The following ANO1 variants were observed in gnomAD, a reference collection of about 807,000 sequenced individuals.
ANO1 encodes anoctamin-1.
Under a neutral mutation model 124.0 loss-of-function variants are expected in ANO1, and 59 were observed. The ratio of observed to expected loss-of-function variants is 0.48; its 90% CI spans 0.39 to 0.59. The LOEUF (loss-of-function observed/expected upper bound fraction) is 0.59. ANO1 is among the 20% of genes least tolerant of loss of function. The probability of loss-of-function intolerance (pLI) is 0.00; values close to 1 mark genes in which losing one functional copy is unlikely to be tolerated. For missense variants in ANO1, 1,059 were observed against 1,328.0 expected, an observed-to-expected ratio of 0.80 and a Z score of 3.15; for synonymous variants, 529 against 532.0, an observed-to-expected ratio of 0.99 and a Z score of 0.08.
chr11:70,145,227 G>A (rs544931074), intron 11 of ANO1, among the ~76,000 whole-genome samples: 51 of 152,254 alleles, frequency 3.3e-4, no homozygotes, highest in African/African-American at 1.2e-3. Context: ...GGCGCAGCAC[G>A]AGCCTTCACA....
chr11:70,118,708 G>A lies in ANO1; in HGVS notation c.897+2209G>A, dbSNP rs1192818003. Reference sequence around the variant, plus strand: ...GATGGTGGAGAGATGAATGATGGTTGATGGATGAGTGGGTGGATGGATGGG... The same window carrying A: ...GATGGTGGAGAGATGAATGATGGTTAATGGATGAGTGGGTGGATGGATGGG... On this transcript the variant is annotated intron_variant, in intron 8 of 25. Transcript: ENST00000355303. Among the ~76,000 whole-genome samples, 4 of 151,546 alleles carry A rather than the reference G, an allele frequency of 2.6e-5. No homozygotes were observed. In the East Asian group the frequency reaches 7.9e-4, roughly 30 times the overall value.
chr11:70,111,856 G>A (rs2045795464), intron 7 of ANO1, 94 bp downstream of exon 7: 5 of 1,284,668 alleles, frequency 3.9e-6, no homozygotes, highest in African/African-American at 1.5e-5. Flanking sequence ...TTATCCTGTG[G>A]TCACAGCTTC....
intron 1 of ANO1, among the ~76,000 whole-genome samples, chr11:70,069,464 T>C (rs782016791): frequency 3.9e-5 from 6 of 152,162 alleles, no homozygotes; most frequent in Non-Finnish European, 5.9e-5. Context: ...CCCCACTCTG[T>C]TTGGTCCCCA....
intron 1 of ANO1, among the ~76,000 whole-genome samples, chr11:70,070,860 A>G (rs929167063): frequency 1.3e-5 from 2 of 152,188 alleles, no homozygotes; most frequent in Non-Finnish European, 2.9e-5. Context: ...CTTCAGGGGT[A>G]CCTGCCAAGG....
chr11:70,135,027 T>C (rs1200482193), intron 11 of ANO1, among the ~76,000 whole-genome samples: 1 of 151,898 alleles, frequency 6.6e-6, no homozygotes, highest in African/African-American at 2.4e-5. Context: ...TATGCTCGAG[T>C]CGGAGACCGC....
At chr11:70,036,558 A>G (rs868913632) in intron 1 of ANO1, among the ~76,000 whole-genome samples, 3 of 152,000 alleles carry the variant, frequency 2.0e-5, no homozygotes, top group Admixed American at 6.6e-5. Flanking sequence ...TCTCTCTTCT[A>G]TGCTGGCCCT....
chr11:70,131,705 A>G (rs1052627463), intron 10 of ANO1, among the ~76,000 whole-genome samples: 38 of 152,228 alleles, frequency 2.5e-4, no homozygotes, highest in African/African-American at 8.4e-4. Context: ...CTGGTGCAAC[A>G]GCATGGGTCA....
Position 70,010,179 on chromosome 11 carries a change from G to GTATA in ANO1, c.58+24029_58+24032dup, listed in dbSNP as rs71926266. On this transcript the variant is annotated intron_variant, in intron 1 of 27. Coordinates refer to the ANO1 transcript ENST00000531349. ...TGTGTGTGTGTGCGCGTGTGTGTGT[G>GTATA]TATATATATATATATATATCACATT... Among the ~76,000 whole-genome samples the GTATA allele has an allele frequency of 7.2e-5, 6 of 83,774 alleles. 1 individual carries two copies. In the South Asian group the frequency reaches 1.4e-3, roughly 20 times the overall value. The allele number at this position is 83,774 out of a possible 152,430, so 55.0% of individuals were successfully genotyped here.
intron 8 of ANO1, among the ~76,000 whole-genome samples, chr11:70,123,334 C>A (rs555644146): frequency 1.3e-5 from 2 of 152,210 alleles, no homozygotes; most frequent in African/African-American, 2.4e-5. Flanking sequence ...CGTGGGTACA[C>A]CTGCACTGTT....
chr11:70,001,552 C>T (rs914660856), intron 1 of ANO1, among the ~76,000 whole-genome samples: 19 of 152,110 alleles, frequency 1.2e-4, no homozygotes, highest in African/African-American at 4.6e-4. Context: ...ACAAATCTGA[C>T]GTTGAACAAA....
At chr11:70,085,328 C>T in intron 1 of ANO1, 3 of 1,392,330 alleles carry the variant, frequency 2.2e-6, no homozygotes, top group Non-Finnish European at 1.9e-6. Flanking sequence ...TCCCCCTGAG[C>T]CCTCCCAAGC....
Position 70,161,361 on chromosome 11 carries a change from C to T in ANO1, c.1779C>T (p.Ile593=), listed in dbSNP as rs201277195. The change falls in exon 17 of 26, where the codon ATC becomes ATT. Residue 593 remains isoleucine (I), a splice_region_variant and synonymous_variant. Coordinates refer to ENST00000355303, the MANE Select transcript of ANO1 (RefSeq NM_018043.7). ...YGCIARWLTK[I]EVPKTEKSFE... is the part of the protein sequence containing the mutation. ...GCATAGCCCGATGGCTCACCAAGAT[C>T]GGTGAGTGCCCATGTTCCAGGTACT... 5.7e-5 allele frequency: 92 copies of T among 1,613,528 alleles called. 1 individual carries two copies. The highest frequency in any genetic ancestry group is 2.4e-4 in the African/African-American group (18 of 74,940).
chr11:70,006,600 C>T (rs1259383167), intron 1 of ANO1, among the ~76,000 whole-genome samples: 1 of 148,010 alleles, frequency 6.8e-6, no homozygotes, highest in Non-Finnish European at 1.5e-5. Flanking sequence ...TCTTTCTTTC[C>T]TTCTTTCTTT....
chr11:70,056,581 T>A (rs1256218522), intron 1 of ANO1: 2 of 152,132 alleles, frequency 1.3e-5, no homozygotes, highest in East Asian at 3.8e-4. Flanking sequence ...AAGCTATGGA[T>A]TGAAAAGGAA....
chr11:69,974,211 C>T, the ANO1 span, among the ~76,000 whole-genome samples: 13 of 151,662 alleles, frequency 8.6e-5, no homozygotes, highest in African/African-American at 2.7e-4. Context: ...CCCAGCTACT[C>T]GGGAGGCTGA....
intron 2 of ANO1, among the ~76,000 whole-genome samples, chr11:70,095,300 GAAAGAAAGAAAGAAAGA>G (rs2044835390): frequency 7.9e-5 from 5 of 63,522 alleles, no homozygotes; most frequent in South Asian, 4.6e-4. Context: ...AGGAAGGAAG[GAAAGAAAGAAAGAAAGA>G]AAGGAAAGAA....
chr11:70,002,044 C>T (rs1856391971), intron 1 of ANO1, among the ~76,000 whole-genome samples: 1 of 152,110 alleles, frequency 6.6e-6, no homozygotes, highest in African/African-American at 2.4e-5. Flanking sequence ...CAACGGTGGT[C>T]CCAAACCGTC....
At chr11:69,973,368 G>C in the ANO1 span, among the ~76,000 whole-genome samples, 101 of 152,228 alleles carry the variant, frequency 6.6e-4, no homozygotes, top group East Asian at 0.018. Flanking sequence ...TCAGCACTTC[G>C]ACCTGCGTCC....
Position 70,116,660 on chromosome 11 carries a change from C to T in ANO1, c.897+161C>T, listed in dbSNP as rs1320419626. The T allele has an allele frequency of 1.3e-5, 8 of 627,434 alleles. No individual in the cohort carries two copies. The East Asian group carries it at 1.7e-4, about 13-fold the overall frequency. The allele number at this position is 627,434 out of a possible 1,614,324, so 38.9% of individuals were successfully genotyped here. Reference sequence around the variant, plus strand: ...AAGCGGGTGTCCCCTCTCACCTTTTCAGGAGAAAAGTCCGTGAGCTTTGTG... The same window carrying T: ...AAGCGGGTGTCCCCTCTCACCTTTTTAGGAGAAAAGTCCGTGAGCTTTGTG... On this transcript the variant is annotated intron_variant, in intron 8 of 25. Coordinates refer to ENST00000355303, the MANE Select transcript of ANO1 (RefSeq NM_018043.7).
Sources: allele counts gnomAD v4.1 joint callset (sites outside exome capture counted in the v4.1 genomes callset), GRCh38; gene constraint gnomAD v4.1.1; transcripts MANE v1.5; gene names NCBI Gene and HGNC (gene_info 2026-07-23, HGNC 2026-07-21).